The following CAMK1D variants were observed in gnomAD, a reference collection of about 807,000 sequenced individuals.
CAMK1D encodes the protein calcium/calmodulin dependent protein kinase ID.
A neutral mutation model predicts 47.7 loss-of-function variants in CAMK1D; 9 were observed. That is an observed-to-expected ratio of 0.19 (90% confidence interval 0.11 to 0.33). The LOEUF is 0.33. Ranked by LOEUF, CAMK1D falls within the 10% of genes least tolerant of loss-of-function variation. The pLI is 1.00. For synonymous variants in CAMK1D, 184 were observed against 184.9 expected, an observed-to-expected ratio of 0.99 and a Z score of 0.04; for missense variants, 291 against 488.7, an observed-to-expected ratio of 0.60 and a Z score of 3.81.
rs766713844 is a variant in CAMK1D, at chr10:12,510,277, G to A, written c.93-42948G>A. On this transcript the variant is annotated intron_variant, in intron 1 of 10. Transcript: ENST00000619168. Reference sequence around the variant, plus strand: ...TAAAAAATACAAAAATTAGCTGGGCGTGGTGGCACATACCTGTAATCCGAG... The same window carrying A: ...TAAAAAATACAAAAATTAGCTGGGCATGGTGGCACATACCTGTAATCCGAG... Among the ~76,000 whole-genome samples the A allele has an allele frequency of 3.6e-4, 55 of 152,180 alleles. 1 individual carries two copies. The highest frequency in any genetic ancestry group is 6.2e-4 in the Non-Finnish European group (42 of 68,046).
At chr10:12,796,378 T>G (rs529640093) in intron 6 of CAMK1D, among the ~76,000 whole-genome samples, 1 of 152,326 alleles carries the variant, frequency 6.6e-6, no homozygotes, top group Admixed American at 6.5e-5. Context: ...CATTGCTCAC[T>G]TTTTAAAATT....
rs975336857 is a variant in CAMK1D, at chr10:12,785,408, G to T, written c.566-5750G>T. 4.1e-4 allele frequency among the ~76,000 whole-genome samples: 62 copies of T among 152,326 alleles called. 1 individual carries two copies. The highest frequency in any genetic ancestry group is 1.9e-3 in the South Asian group (9 of 4,830). ...AGCAAGAACTCAAAGCATCCCTCTTGCAGGAGGCATGGGAGCAGCAGGGAG... is the reference window on the plus strand; with the variant it reads ...AGCAAGAACTCAAAGCATCCCTCTTTCAGGAGGCATGGGAGCAGCAGGGAG... On this transcript the variant is annotated intron_variant, in intron 5 of 10. Transcript: ENST00000619168.
At chr10:12,584,886 T>C (rs1279661247) in intron 2 of CAMK1D, among the ~76,000 whole-genome samples, 3 of 152,210 alleles carry the variant, frequency 2.0e-5, no homozygotes, top group Non-Finnish European at 4.4e-5. Flanking sequence ...GTTCCTTGAA[T>C]TGAAGCCTTT....
chr10:12,644,668 C>T (rs944129038), intron 2 of CAMK1D, among the ~76,000 whole-genome samples: 1 of 152,174 alleles, frequency 6.6e-6, no homozygotes, highest in Non-Finnish European at 1.5e-5. Context: ...ACGGAGGCTT[C>T]CCTCTGCTTC....
intron 1 of CAMK1D, among the ~76,000 whole-genome samples, chr10:12,537,848 T>G (rs1243740697): frequency 6.6e-6 from 1 of 152,248 alleles, no homozygotes; most frequent in East Asian, 1.9e-4. Flanking sequence ...TATCTTCTAA[T>G]TCTTTTCCCC....
chr10:12,677,628 T>A (rs1433406738), intron 3 of CAMK1D, among the ~76,000 whole-genome samples: 2 of 151,912 alleles, frequency 1.3e-5, no homozygotes, highest in African/African-American at 4.8e-5. Context: ...GTAGCTGGGC[T>A]CCAGGCAGAA....
chr10:12,591,622 G>A (rs960887442), intron 2 of CAMK1D, among the ~76,000 whole-genome samples: 6 of 152,082 alleles, frequency 3.9e-5, no homozygotes, highest in South Asian at 4.1e-4. Context: ...GAAGAAGCCC[G>A]GCCCTGCTCA....
chr10:12,723,189 A>T (rs1834472160), intron 3 of CAMK1D, among the ~76,000 whole-genome samples: 1 of 152,190 alleles, frequency 6.6e-6, no homozygotes, highest in Non-Finnish European at 1.5e-5. Flanking sequence ...TTGAGAATTT[A>T]TCATTATTTG....
chr10:12,670,084 A>G (rs1840563209), intron 3 of CAMK1D, among the ~76,000 whole-genome samples: 2 of 148,828 alleles, frequency 1.3e-5, no homozygotes, highest in South Asian at 4.2e-4. Context: ...CAACTTTTTA[A>G]TAAACCGTCT....
chr10:12,570,798 T>A (rs73570295), intron 2 of CAMK1D, among the ~76,000 whole-genome samples: 18,213 of 147,558 alleles, frequency 0.12, 3,486 homozygotes, highest in African/African-American at 0.41. Context: ...AAATAAAAAA[T>A]AAATTAGCCA....
intron 8 of CAMK1D, among the ~76,000 whole-genome samples, chr10:12,817,726 C>T (rs1408085960): frequency 6.6e-6 from 1 of 151,886 alleles, no homozygotes; most frequent in Non-Finnish European, 1.5e-5. Flanking sequence ...ATGGAGTCTC[C>T]GTCACCCAGG....
At chr10:12,558,227 T>G (rs1836825930) in intron 2 of CAMK1D, among the ~76,000 whole-genome samples, 1 of 152,240 alleles carries the variant, frequency 6.6e-6, no homozygotes, top group East Asian at 1.9e-4. Flanking sequence ...TTCTGTGGCA[T>G]TATTTATTTC....
chr10:12,725,067 T>C (rs987696490), intron 3 of CAMK1D, among the ~76,000 whole-genome samples: 5 of 152,238 alleles, frequency 3.3e-5, no homozygotes, highest in Non-Finnish European at 7.3e-5. Flanking sequence ...AGGGTCCCAC[T>C]GTGTTTCTCC....
At chr10:12,435,318 G>C (rs1351303599) in intron 1 of CAMK1D, among the ~76,000 whole-genome samples, 1 of 149,506 alleles carries the variant, frequency 6.7e-6, no homozygotes, top group African/African-American at 2.5e-5. Context: ...TGATGGATCC[G>C]CCCTAGGTTT....
chr10:12,414,976 A>T (rs181833423), intron 1 of CAMK1D, among the ~76,000 whole-genome samples: 1 of 152,156 alleles, frequency 6.6e-6, no homozygotes, highest in African/African-American at 2.4e-5. Flanking sequence ...GGGAAAAAAA[A>T]TCTAGTTAAC....
intron 1 of CAMK1D, among the ~76,000 whole-genome samples, chr10:12,526,336 C>T (rs1216256198): frequency 1.3e-5 from 2 of 152,202 alleles, no homozygotes; most frequent in Non-Finnish European, 2.9e-5. Context: ...TAGTTTAATT[C>T]TCGAAGCCAT....
chr10:12,432,622 G>T (rs1401580166), intron 1 of CAMK1D, among the ~76,000 whole-genome samples: 1 of 152,262 alleles, frequency 6.6e-6, no homozygotes, highest in East Asian at 1.9e-4. Flanking sequence ...GTGAATAGAT[G>T]AGTTAATGTG....
intron 3 of CAMK1D, among the ~76,000 whole-genome samples, chr10:12,716,147 C>T (rs757718245): frequency 3.3e-5 from 5 of 152,048 alleles, no homozygotes; most frequent in Non-Finnish European, 5.9e-5. Flanking sequence ...TCTATGATAC[C>T]GCCTCGCACT....
chr10:12,509,331 C>T (rs1330762525), intron 1 of CAMK1D, among the ~76,000 whole-genome samples: 1 of 152,208 alleles, frequency 6.6e-6, no homozygotes, highest in African/African-American at 2.4e-5. Context: ...ACCAGTGTTT[C>T]ATCATTCCAC....
Sources: gnomAD v4.1 joint callset for allele counts (sites outside exome capture counted in the v4.1 genomes callset) on GRCh38, gnomAD v4.1.1 for gene constraint, MANE v1.5 for transcripts, NCBI Gene and HGNC (gene_info 2026-07-23, HGNC 2026-07-21) for gene names.